DLG2: variants seen among roughly 807,000 people sequenced by gnomAD.
The protein encoded by DLG2 is disks large homolog 2.
DLG2 carries 45 observed loss-of-function variants against 132.5 expected under a neutral mutation model. That is an observed-to-expected ratio of 0.34 (90% CI 0.27 to 0.44). The LOEUF is 0.44. Ranked by LOEUF, DLG2 falls within the 20% of genes least tolerant of loss-of-function variation. DLG2 has a pLI of 1.00. For synonymous variants in DLG2, 424 were observed against 419.6 expected, an observed-to-expected ratio of 1.01 and a Z score of -0.13; for missense variants, 1,045 against 1,196.9, an observed-to-expected ratio of 0.87 and a Z score of 1.87.
chr11:85,144,468 T>C (rs1355314687), intron 5 of DLG2, among the ~76,000 whole-genome samples: 3 of 151,748 alleles, frequency 2.0e-5, no homozygotes, highest in East Asian at 3.8e-4. Context: ...TTGTTATTTG[T>C]TTTCTGGTTA....
At position 84,059,478 on chromosome 11, in the gene DLG2, A is replaced by G. The variant is rs1488169442; in HGVS notation, c.756T>C (p.Asn252=). Residue 252 remains asparagine, a synonymous_variant, in exon 11 of 28, where the codon AAT becomes AAC. Coordinates refer to ENST00000376104, the MANE Select transcript of DLG2 (RefSeq NM_001142699.3). The part of the protein sequence containing the change: ...AAAEDGRLRV[N]DCILRVNEVD... Reference sequence around the variant, plus strand: ...CCTCATTCACCCGCAAGATACAATCATTGACCCTGCAAGGAAGGAAAAGAG... The same window carrying G: ...CCTCATTCACCCGCAAGATACAATCGTTGACCCTGCAAGGAAGGAAAAGAG... 2 of 1,592,414 alleles carry G rather than the reference A, an allele frequency of 1.3e-6. No homozygotes were observed. Among genetic ancestry groups the G allele is most frequent in the African/African-American group, 1.4e-5 (1 of 73,812 alleles).
intron 4 of DLG2, among the ~76,000 whole-genome samples, chr11:85,240,205 C>T (rs2075808004): frequency 6.6e-6 from 1 of 151,678 alleles, no homozygotes; most frequent in African/African-American, 2.4e-5. Context: ...TGTGAAAAGC[C>T]TGATTATTTT....
intron 18 of DLG2, among the ~76,000 whole-genome samples, chr11:83,731,420 G>A (rs1245652698): frequency 6.6e-6 from 1 of 152,158 alleles, no homozygotes; most frequent in Non-Finnish European, 1.5e-5. Flanking sequence ...AGTTTGCTGA[G>A]GATGGTGGCT....
At chr11:83,782,668 A>G (rs1056687529) in intron 18 of DLG2, among the ~76,000 whole-genome samples, 8 of 152,178 alleles carry the variant, frequency 5.3e-5, no homozygotes, top group Non-Finnish European at 1.2e-4. Flanking sequence ...CAAGTGTAAG[A>G]GCAGACAGCA....
chr11:84,662,966 G>C (rs2099696142), intron 6 of DLG2, among the ~76,000 whole-genome samples: 1 of 151,924 alleles, frequency 6.6e-6, no homozygotes, highest in Admixed American at 6.6e-5. Flanking sequence ...GCCCTGAGAG[G>C]AAAAGCCCTA....
intron 6 of DLG2, among the ~76,000 whole-genome samples, chr11:84,756,864 T>C (rs180695257): frequency 1.3e-5 from 2 of 152,138 alleles, no homozygotes; most frequent in Non-Finnish European, 2.9e-5. Context: ...AGCCAAAAGA[T>C]TGAACACCAC....
chr11:84,276,771 G>A (rs1047389761), intron 7 of DLG2, among the ~76,000 whole-genome samples: 1 of 152,154 alleles, frequency 6.6e-6, no homozygotes. Flanking sequence ...ACTACCATAC[G>A]TTGAGTGCTT....
At chr11:84,936,426 A>G (rs1940121) in intron 6 of DLG2, among the ~76,000 whole-genome samples, 55,367 of 151,982 alleles carry the variant, frequency 0.36, 10,784 homozygotes, top group East Asian at 0.67. Flanking sequence ...ACTTATAAAA[A>G]TTTATGAAAA....
At chr11:84,445,490 G>A (rs1280616896) in intron 7 of DLG2, among the ~76,000 whole-genome samples, 1 of 152,060 alleles carries the variant, frequency 6.6e-6, no homozygotes, top group Non-Finnish European at 1.5e-5. Context: ...CAAGAAATAT[G>A]TCTTTCTTAA....
intron 6 of DLG2, among the ~76,000 whole-genome samples, chr11:84,956,822 A>G (rs527425535): frequency 6.6e-6 from 1 of 152,332 alleles, no homozygotes; most frequent in South Asian, 2.1e-4. Context: ...TGTGAAGTAT[A>G]TGATTCTAAA....
At chr11:85,570,868 C>T (rs755387612) in intron 3 of DLG2, among the ~76,000 whole-genome samples, 10 of 152,162 alleles carry the variant, frequency 6.6e-5, no homozygotes, top group Non-Finnish European at 1.3e-4. Flanking sequence ...ATTTTTTTCT[C>T]CTACCTGTTC....
intron 3 of DLG2, among the ~76,000 whole-genome samples, chr11:85,492,761 G>GGGA (rs2093590528): frequency 6.9e-6 from 1 of 145,812 alleles, no homozygotes; most frequent in Admixed American, 6.6e-5. Context: ...AGTGTCCCTA[G>GGGA]GGAGGTACCT....
At chr11:84,532,747 C>T (rs2099345915) in intron 7 of DLG2, among the ~76,000 whole-genome samples, 1 of 152,182 alleles carries the variant, frequency 6.6e-6, no homozygotes, top group Non-Finnish European at 1.5e-5. Context: ...CCTCCCACCT[C>T]AGCTTCCCAA....
chr11:85,248,551 T>C (rs1181292216), intron 4 of DLG2, among the ~76,000 whole-genome samples: 1 of 151,848 alleles, frequency 6.6e-6, no homozygotes, highest in Non-Finnish European at 1.5e-5. Flanking sequence ...AGCTTCAGAG[T>C]GTAGAAGTTG....
intron 15 of DLG2, among the ~76,000 whole-genome samples, chr11:83,877,597 C>A (rs991108262): frequency 6.6e-6 from 1 of 151,982 alleles, no homozygotes; most frequent in African/African-American, 2.4e-5. Flanking sequence ...CAAATGGTAC[C>A]CTGAGGTGCA....
At chr11:84,542,385 T>C (rs1170351952) in intron 6 of DLG2, among the ~76,000 whole-genome samples, 1 of 152,218 alleles carries the variant, frequency 6.6e-6, no homozygotes, top group African/African-American at 2.4e-5. Context: ...AAAAACTTGT[T>C]AGTTTCACTG....
intron 6 of DLG2, among the ~76,000 whole-genome samples, chr11:84,913,230 C>T (rs2092234651): frequency 6.6e-6 from 1 of 152,146 alleles, no homozygotes; most frequent in Non-Finnish European, 1.5e-5. Flanking sequence ...CAGCTCAAAG[C>T]CATTATTTGG....
At chr11:84,410,919 A>G (rs977689372) in intron 7 of DLG2, among the ~76,000 whole-genome samples, 19 of 152,162 alleles carry the variant, frequency 1.2e-4, no homozygotes, top group Non-Finnish European at 2.5e-4. Flanking sequence ...TCTTATGTTA[A>G]TGTTATTAAA....
intron 7 of DLG2, among the ~76,000 whole-genome samples, chr11:84,308,997 G>A (rs1026042282): frequency 6.6e-6 from 1 of 152,192 alleles, no homozygotes; most frequent in Non-Finnish European, 1.5e-5. Flanking sequence ...GTGCAGCGGC[G>A]GGCTGAAGGG....
Sources: allele counts gnomAD v4.1 joint callset (sites outside exome capture counted in the v4.1 genomes callset), GRCh38; gene constraint gnomAD v4.1.1; transcripts MANE v1.5; gene names NCBI Gene and HGNC (gene_info 2026-07-23, HGNC 2026-07-21).